The following ZDHHC15 variants were observed in gnomAD, a reference collection of about 807,000 sequenced individuals.
ZDHHC15 encodes zDHHC palmitoyltransferase 15.
In ZDHHC15, 19 loss-of-function variants were observed where a neutral mutation model predicts 31.7. That is an observed-to-expected ratio of 0.60 (90% CI 0.42 to 0.88). The LOEUF (loss-of-function observed/expected upper bound fraction) is 0.88. Ranked by LOEUF, ZDHHC15 falls within the 40% of genes least tolerant of loss-of-function variation. The probability of loss-of-function intolerance (pLI) is 0.00; values close to 1 mark genes in which losing one functional copy is unlikely to be tolerated. For missense variants in ZDHHC15, 209 were observed against 251.2 expected (o/e 0.83, Z 1.14); for synonymous variants, 103 against 90.0 (o/e 1.14, Z -0.82).
chrX:75,490,842 G>T (rs5981878), intron 2 of ZDHHC15, among the ~76,000 whole-genome samples: 1,534 of 111,744 alleles, frequency 0.014, 19 homozygotes, highest in African/African-American at 0.047. Flanking sequence ...CATTGATTTT[G>T]TATCCTGAGG....
chrX:75,390,557 T>C (rs2083232453), intron 10 of ZDHHC15, among the ~76,000 whole-genome samples: 1 of 111,707 alleles, frequency 9.0e-6, no homozygotes, highest in Non-Finnish European at 1.9e-5. Flanking sequence ...CGAGAGCCTC[T>C]GTCTGGTAAT....
chrX:75,520,848 TA>T (rs746799171), intron 1 of ZDHHC15, among the ~76,000 whole-genome samples: 68 of 110,564 alleles, frequency 6.2e-4, no homozygotes, highest in Admixed American at 1.8e-3. Context: ...AAGGAAGAGG[TA>T]AAAAAAATTC....
intron 3 of ZDHHC15, among the ~76,000 whole-genome samples, chrX:75,462,924 G>A (rs1443997170): frequency 3.6e-5 from 4 of 111,039 alleles, no homozygotes; most frequent in Non-Finnish European, 7.5e-5. Flanking sequence ...CAAGATCAGA[G>A]CTGAACTGAA....
At chrX:75,379,791 A>G (rs1335561171) in intron 10 of ZDHHC15, among the ~76,000 whole-genome samples, 1 of 112,083 alleles carries the variant, frequency 8.9e-6, no homozygotes. Flanking sequence ...TGAGATTAAA[A>G]AGTTGACAGT....
At chrX:75,438,585 C>T (rs1337765907) in intron 4 of ZDHHC15, among the ~76,000 whole-genome samples, 1 of 111,491 alleles carries the variant, frequency 9.0e-6, no homozygotes, top group African/African-American at 3.3e-5. Context: ...ACAGCAGATA[C>T]TTGGTTGGTA....
At chrX:75,389,920 A>G (rs933663267) in intron 10 of ZDHHC15, among the ~76,000 whole-genome samples, 3 of 112,225 alleles carry the variant, frequency 2.7e-5, no homozygotes, top group African/African-American at 9.7e-5. Flanking sequence ...GGGTTCCCCA[A>G]TTCTAGGCCT....
At chrX:75,420,959 G>T (rs1369699185) in intron 9 of ZDHHC15, among the ~76,000 whole-genome samples, 1 of 110,149 alleles carries the variant, frequency 9.1e-6, no homozygotes, top group Non-Finnish European at 1.9e-5. Context: ...AATAAAAAAA[G>T]AATTACCTAC....
chrX:75,379,405 T>A (rs113532607), intron 10 of ZDHHC15, among the ~76,000 whole-genome samples: 2,038 of 112,270 alleles, frequency 0.018, 56 homozygotes, highest in African/African-American at 0.062. Context: ...GAACTAAGAT[T>A]ATTTATCAGC....
In ZDHHC15 at chrX:75,446,327, C is replaced by G. The variant is rs748352827; in HGVS notation, c.379+4475G>C. Among the ~76,000 whole-genome samples, 109 of 111,177 alleles carry G rather than the reference C, an allele frequency of 9.8e-4. 1 individual carries two copies. Among genetic ancestry groups the G allele is most frequent in the Non-Finnish European group, 1.8e-3 (95 of 53,103 alleles). On this transcript the variant is annotated intron_variant, in intron 4 of 11. Transcript: ENST00000373367. ...AGTGAGTGAGATGGAAATGCTGGACCTGCCTTGGTTTAATGTTGAGGGGAG... is the reference window on the plus strand; with the variant it reads ...AGTGAGTGAGATGGAAATGCTGGACGTGCCTTGGTTTAATGTTGAGGGGAG...
intron 10 of ZDHHC15, chrX:75,384,748 C>G (rs1035795764): frequency 1.7e-5 from 16 of 939,308 alleles, no homozygotes; most frequent in Non-Finnish European, 2.3e-5. Context: ...GCCTGCTCCA[C>G]CCAGAGAAGC....
At chrX:75,424,585 G>A in intron 8 of ZDHHC15, 67 bp downstream of exon 8, 1 of 1,061,929 alleles carries the variant, frequency 9.4e-7, no homozygotes, top group Non-Finnish European at 1.2e-6. Context: ...TTTTAATTGG[G>A]AACAATTCAC....
intron 3 of ZDHHC15, among the ~76,000 whole-genome samples, chrX:75,454,972 C>T (rs1269038564): frequency 2.7e-5 from 3 of 111,039 alleles, no homozygotes; most frequent in African/African-American, 9.8e-5. Flanking sequence ...AATGTCATCC[C>T]CATCAAGCTA....
intron 7 of ZDHHC15, among the ~76,000 whole-genome samples, chrX:75,425,537 C>A (rs2083702808): frequency 1.8e-5 from 2 of 112,347 alleles, no homozygotes; most frequent in Admixed American, 9.5e-5. Flanking sequence ...AGTTCTGTAA[C>A]ATGCGCAGCA....
At chrX:75,380,664 TA>T (rs898144200) in intron 10 of ZDHHC15, among the ~76,000 whole-genome samples, 1 of 110,634 alleles carries the variant, frequency 9.0e-6, no homozygotes, top group Non-Finnish European at 1.9e-5. Context: ...GGAAGATACC[TA>T]AAAAAAATCA....
chrX:75,465,648 G>A (rs1486011309), intron 3 of ZDHHC15, among the ~76,000 whole-genome samples: 4 of 111,025 alleles, frequency 3.6e-5, no homozygotes, highest in African/African-American at 3.3e-5. Context: ...AAGACCACAC[G>A]CCAAAAACAT....
At chrX:75,513,493 G>T (rs2085308508) in intron 1 of ZDHHC15, among the ~76,000 whole-genome samples, 2 of 111,061 alleles carry the variant, frequency 1.8e-5, no homozygotes, top group Admixed American at 1.9e-4. Flanking sequence ...TGTAGTAAGA[G>T]GATACTGTGA....
intron 3 of ZDHHC15, among the ~76,000 whole-genome samples, chrX:75,456,820 G>T (rs1390966111): frequency 9.0e-6 from 1 of 111,061 alleles, no homozygotes; most frequent in African/African-American, 3.3e-5. Context: ...AACAGCAACG[G>T]GTGTCTCCCC....
At chrX:75,388,440 G>T (rs1249243127) in intron 10 of ZDHHC15, among the ~76,000 whole-genome samples, 1 of 112,005 alleles carries the variant, frequency 8.9e-6, no homozygotes, top group Non-Finnish European at 1.9e-5. Context: ...TAGAGGGGAT[G>T]AAGTTAAATT....
chrX:75,481,051 C>T (rs2084681641), intron 2 of ZDHHC15, among the ~76,000 whole-genome samples: 2 of 111,292 alleles, frequency 1.8e-5, no homozygotes, highest in South Asian at 3.8e-4. Flanking sequence ...TGTCTCTAGG[C>T]TAGCCTTTGT....
Sources: gnomAD v4.1 joint callset for allele counts (sites outside exome capture counted in the v4.1 genomes callset) on GRCh38, gnomAD v4.1.1 for gene constraint, MANE v1.5 for transcripts, NCBI Gene and HGNC (gene_info 2026-07-23, HGNC 2026-07-21) for gene names.